TBCK: variants seen among roughly 807,000 people sequenced by gnomAD.
TBCK encodes TBC domain-containing protein kinase-like protein.
A neutral mutation model predicts 113.4 loss-of-function variants in TBCK; 99 were observed. That is an observed-to-expected ratio of 0.87 (90% CI 0.74 to 1.03). TBCK has a LOEUF of 1.03. Ranked by LOEUF, TBCK falls within the 50% of genes least tolerant of loss-of-function variation. The pLI is 0.00. For missense variants in TBCK, 1,045 were observed against 1,061.3 expected (o/e 0.98, Z 0.21); for synonymous variants, 369 against 370.8 (o/e 1.00, Z 0.05).
chr4:106,052,539 A>AT (rs1209207890), intron 25 of TBCK, among the ~76,000 whole-genome samples: 3 of 151,628 alleles, frequency 2.0e-5, no homozygotes, highest in Non-Finnish European at 4.4e-5. Context: ...GTTGTTTCTA[A>AT]TTTTTTTGGA....
chr4:106,313,038 T>G (rs971551751), intron 1 of TBCK, among the ~76,000 whole-genome samples: 1 of 152,302 alleles, frequency 6.6e-6, no homozygotes, highest in African/African-American at 2.4e-5. Context: ...CAAAACTCAT[T>G]AAATTGGCCA....
At chr4:106,310,607 C>G (rs1768095749) in intron 1 of TBCK, 1 of 152,200 alleles carries the variant, frequency 6.6e-6, no homozygotes, top group Non-Finnish European at 1.5e-5. Flanking sequence ...GAGCAAACTC[C>G]TCACAATTCC....
intron 2 of TBCK, among the ~76,000 whole-genome samples, chr4:106,303,569 A>C (rs760849483): frequency 7.2e-5 from 11 of 152,120 alleles, no homozygotes; most frequent in Non-Finnish European, 1.2e-4. Flanking sequence ...CCTTCAACTG[A>C]CTGAAGAGAC....
intron 22 of TBCK, among the ~76,000 whole-genome samples, chr4:106,192,500 C>T (rs773489135): frequency 9.2e-5 from 14 of 152,122 alleles, no homozygotes; most frequent in Non-Finnish European, 1.6e-4. Flanking sequence ...ATGACCTAAA[C>T]TATTCATTCA....
Position 106,108,786 on chromosome 4 carries a change from G to C in TBCK, c.2411+7417C>G, listed in dbSNP as rs541270342. ...CAATGAGGCAAGAGAAAGAAATAAA[G>C]CTCATTCGAATAGGAAGGGAAGAAG... is the stretch of plus-strand genomic sequence containing the variant. On this transcript the variant is annotated intron_variant, in intron 24 of 25. Coordinates refer to ENST00000394708, the MANE Select transcript of TBCK (RefSeq NM_001163435.3). 5.6e-4 allele frequency among the ~76,000 whole-genome samples: 85 copies of C among 152,226 alleles called. 1 individual carries two copies. The highest frequency in any genetic ancestry group is 1.1e-3 in the Non-Finnish European group (72 of 68,018).
At chr4:106,096,159 T>A (rs1740875345) in intron 24 of TBCK, among the ~76,000 whole-genome samples, 3 of 152,234 alleles carry the variant, frequency 2.0e-5, no homozygotes, top group Admixed American at 2.0e-4. Context: ...AGAGAATTTA[T>A]GATCATGGGT....
intron 16 of TBCK, among the ~76,000 whole-genome samples, chr4:106,233,329 T>G (rs1759081415): frequency 1.3e-5 from 2 of 152,072 alleles, no homozygotes; most frequent in South Asian, 4.1e-4. Context: ...AATATTTTCC[T>G]TTATAATCTG....
intron 7 of TBCK, 35 bp from the exon 8 acceptor site, chr4:106,249,017 T>C: frequency 6.7e-7 from 1 of 1,491,076 alleles, no homozygotes; most frequent in Non-Finnish European, 9.1e-7. Flanking sequence ...ATAAATGCTA[T>C]TTTTCTAATC....
At chr4:106,258,480 G>A (rs1762208942) in intron 5 of TBCK, among the ~76,000 whole-genome samples, 1 of 151,892 alleles carries the variant, frequency 6.6e-6, no homozygotes, top group Non-Finnish European at 1.5e-5. Flanking sequence ...TTTGCTCTTT[G>A]ATATTTTCTG....
At chr4:106,108,456 C>CA (rs1241327541) in intron 24 of TBCK, among the ~76,000 whole-genome samples, 3 of 152,010 alleles carry the variant, frequency 2.0e-5, no homozygotes, top group Non-Finnish European at 4.4e-5. Flanking sequence ...GCTCAACATG[C>CA]AAAAAATCAA....
At position 106,247,258 on chromosome 4, in the gene TBCK, T is replaced by C. The variant is rs776580685; in HGVS notation, c.812A>G (p.Lys271Arg). The C allele has an allele frequency of 6.0e-5, 97 of 1,612,218 alleles. No individual in the cohort carries two copies. The Middle Eastern group carries it at 6.6e-4, about 11-fold the overall frequency. The change falls in exon 10 of 26, where the codon AAA (lysine) becomes AGA (arginine). Residue 271 changes from lysine (K) to arginine (R), a missense_variant. Coordinates refer to ENST00000394708, the MANE Select transcript of TBCK (RefSeq NM_001163435.3). ...TAAAGGTGATACCTCACTGAATACTTTGTCCTTCATTAATTGATCTGGGGT... is the reference window on the plus strand; with the variant it reads ...TAAAGGTGATACCTCACTGAATACTCTGTCCTTCATTAATTGATCTGGGGT... Reference protein sequence around the residue: ...RPTPDQLMKDKVFSEVSPLYT... With the variant: ...RPTPDQLMKDRVFSEVSPLYT...
intron 3 of TBCK, among the ~76,000 whole-genome samples, chr4:106,283,276 T>C (rs1269766542): frequency 6.6e-6 from 1 of 152,114 alleles, no homozygotes; most frequent in African/African-American, 2.4e-5. Context: ...TAAATTACAG[T>C]ATGTATGTCA....
intron 20 of TBCK, among the ~76,000 whole-genome samples, chr4:106,210,142 C>T (rs902558445): frequency 2.0e-5 from 3 of 152,000 alleles, no homozygotes; most frequent in Non-Finnish European, 4.4e-5. Context: ...CCTTGGAAAG[C>T]AGAAATGGAA....
intron 20 of TBCK, among the ~76,000 whole-genome samples, chr4:106,203,915 C>A (rs1395076431): frequency 2.6e-5 from 4 of 152,108 alleles, no homozygotes; most frequent in South Asian, 2.1e-4. Context: ...GGCAGAAAAT[C>A]TCATCAATTC....
chr4:106,061,861 C>T lies in TBCK; in HGVS notation c.2572-15181G>A, dbSNP rs115967280. 3.0e-3 allele frequency among the ~76,000 whole-genome samples: 456 copies of T among 151,750 alleles called. 2 individuals carry two copies. Among genetic ancestry groups the T allele is most frequent in the African/African-American group, 9.1e-3 (379 of 41,442 alleles). On this transcript the variant is annotated intron_variant, in intron 25 of 25. Coordinates refer to ENST00000394708, the MANE Select transcript of TBCK (RefSeq NM_001163435.3). Reference sequence around the variant, plus strand: ...TTGTCCCCAAATGGAATGTGAGATACGGCTTTATGGTGTTCATGGTGAACT... The same window carrying T: ...TTGTCCCCAAATGGAATGTGAGATATGGCTTTATGGTGTTCATGGTGAACT...
Position 106,122,208 on chromosome 4 carries a change from A to G in TBCK, c.2236-5830T>C, listed in dbSNP as rs577804866. Among the ~76,000 whole-genome samples the G allele has an allele frequency of 7.9e-5, 12 of 152,048 alleles. No individual in the cohort carries two copies. The East Asian group carries it at 2.3e-3, about 29-fold the overall frequency. ...TAAAGGGGATATCACCACCGATCCCACAGAAATACAAACTACCATCAGAGA... is the reference window on the plus strand; with the variant it reads ...TAAAGGGGATATCACCACCGATCCCGCAGAAATACAAACTACCATCAGAGA... On this transcript the variant is annotated intron_variant, in intron 23 of 25. Transcript: ENST00000394708.
chr4:106,188,581 AC>A (rs1296524278), intron 22 of TBCK, among the ~76,000 whole-genome samples: 3 of 152,134 alleles, frequency 2.0e-5, no homozygotes, highest in African/African-American at 7.2e-5. Flanking sequence ...ACCCTTATCA[AC>A]CATAAAACAA....
chr4:106,088,757 A>T (rs1481215748), intron 25 of TBCK, among the ~76,000 whole-genome samples: 3 of 152,222 alleles, frequency 2.0e-5, no homozygotes, highest in African/African-American at 7.2e-5. Flanking sequence ...CATAAAAAGG[A>T]ATGACATCAT....
chr4:106,111,246 C>T (rs1376376508), intron 24 of TBCK, among the ~76,000 whole-genome samples: 1 of 152,118 alleles, frequency 6.6e-6, no homozygotes, highest in Non-Finnish European at 1.5e-5. Flanking sequence ...TTGTAATTTG[C>T]CCATTTTCAT....
Sources: gnomAD v4.1 joint callset for allele counts (sites outside exome capture counted in the v4.1 genomes callset) on GRCh38, gnomAD v4.1.1 for gene constraint, MANE v1.5 for transcripts, NCBI Gene and HGNC (gene_info 2026-07-23, HGNC 2026-07-21) for gene names.